MME: variants seen among roughly 807,000 people sequenced by gnomAD.
The protein encoded by MME is membrane metalloendopeptidase, also known as neprilysin.
Under a neutral mutation model 113.2 loss-of-function variants are expected in MME, and 98 were observed. That is an observed-to-expected ratio of 0.87 (90% CI 0.74 to 1.02). MME has a LOEUF of 1.02. Ranked by LOEUF, MME falls within the 50% of genes least tolerant of loss-of-function variation. MME has a pLI of 0.00. For missense variants in MME, 836 were observed against 896.0 expected (o/e 0.93, Z 0.86); for synonymous variants, 292 against 300.6 (o/e 0.97, Z 0.30).
Position 155,168,147 on chromosome 3 carries a change from T to A in MME, c.1781-345T>A, listed in dbSNP as rs559861214. Among the ~76,000 whole-genome samples the A allele has an allele frequency of 2.6e-5, 4 of 152,294 alleles. No homozygotes were observed. The South Asian group carries it at 6.2e-4, about 24-fold the overall frequency. On this transcript the variant is annotated intron_variant, in intron 18 of 22. Coordinates refer to ENST00000360490, the MANE Select transcript of MME (RefSeq NM_007289.4). ...GCCAGAATAAAAATGTTGGCCATTT[T>A]AAAAATCTCAAAATATCAAACTAAA...
At chr3:155,178,704 G>A (rs1280912775) in intron 22 of MME, among the ~76,000 whole-genome samples, 1 of 152,088 alleles carries the variant, frequency 6.6e-6, no homozygotes, top group Non-Finnish European at 1.5e-5. Context: ...AAATGGTGTA[G>A]TATTTGCATA....
At chr3:155,096,893 A>G (rs1210837844) in intron 3 of MME, among the ~76,000 whole-genome samples, 1 of 152,036 alleles carries the variant, frequency 6.6e-6, no homozygotes, top group Non-Finnish European at 1.5e-5. Context: ...TAAGTTTTGT[A>G]ATTTTCTGTA....
intron 8 of MME, among the ~76,000 whole-genome samples, chr3:155,128,340 C>T (rs1162730487): frequency 2.0e-5 from 3 of 152,126 alleles, no homozygotes; most frequent in African/African-American, 7.2e-5. Flanking sequence ...CTCAGTTTCC[C>T]CTGCATTTCT....
chr3:155,049,987 C>A (rs191607009), intron 1 of MME, among the ~76,000 whole-genome samples: 9 of 152,190 alleles, frequency 5.9e-5, no homozygotes, highest in Non-Finnish European at 1.0e-4. Context: ...CTCCTCCGAA[C>A]CTTCACTTCC....
chr3:155,133,632 G>T (rs1163423344), intron 8 of MME, among the ~76,000 whole-genome samples: 1 of 133,490 alleles, frequency 7.5e-6, no homozygotes, highest in African/African-American at 2.8e-5. Context: ...CCATATATAT[G>T]TATATATACA....
intron 1 of MME, among the ~76,000 whole-genome samples, chr3:155,065,883 T>G (rs933854320): frequency 6.6e-6 from 1 of 152,232 alleles, no homozygotes. Context: ...TGTAGATATA[T>G]ACACTGATGT....
At chr3:155,046,772 G>A (rs971135188) in intron 1 of MME, among the ~76,000 whole-genome samples, 3 of 152,136 alleles carry the variant, frequency 2.0e-5, no homozygotes, top group African/African-American at 7.2e-5. Context: ...GGGTTAATAT[G>A]TGTGTTTGTG....
chr3:155,106,350 C>T (rs1576590342), intron 3 of MME, among the ~76,000 whole-genome samples: 1 of 152,252 alleles, frequency 6.6e-6, no homozygotes, highest in Admixed American at 6.5e-5. Flanking sequence ...CATCTGGTAT[C>T]CCCCACTCTC....
At position 155,113,464 on chromosome 3, in the gene MME, G is replaced by C. The variant is rs138688556; in HGVS notation, c.197-1530G>C. ...GCAGCTAATTTTTGTATTTTTAGTA[G>C]AGTTGGTGTTTCATCATGTTGGCCA... is the stretch of plus-strand genomic sequence containing the variant. On this transcript the variant is annotated intron_variant, in intron 3 of 22. Transcript: ENST00000360490. 4.7e-3 allele frequency among the ~76,000 whole-genome samples: 721 copies of C among 152,174 alleles called. 7 individuals carry two copies. Among genetic ancestry groups the C allele is most frequent in the African/African-American group, 0.017 (686 of 41,522 alleles).
intron 8 of MME, among the ~76,000 whole-genome samples, chr3:155,121,393 T>C (rs1424921073): frequency 6.6e-6 from 1 of 151,438 alleles, no homozygotes; most frequent in Non-Finnish European, 1.5e-5. Flanking sequence ...CTTTTCCTAA[T>C]TGGATACCCT....
intron 15 of MME, among the ~76,000 whole-genome samples, chr3:155,147,766 A>G (rs1721630961): frequency 6.6e-6 from 1 of 152,212 alleles, no homozygotes; most frequent in African/African-American, 2.4e-5. Context: ...TCTTGCTGCT[A>G]ACTCTGCAGT....
At chr3:155,135,118 T>C (rs560328330) in intron 8 of MME, among the ~76,000 whole-genome samples, 2 of 152,196 alleles carry the variant, frequency 1.3e-5, no homozygotes, top group Admixed American at 6.5e-5. Flanking sequence ...TTTCTTTTGC[T>C]GTGGCAGAAG....
intron 1 of MME, among the ~76,000 whole-genome samples, chr3:155,025,022 G>A (rs1712734964): frequency 6.6e-6 from 1 of 152,176 alleles, no homozygotes; most frequent in Non-Finnish European, 1.5e-5. Flanking sequence ...CTTAATAGCT[G>A]TCTCCAAATA....
intron 8 of MME, among the ~76,000 whole-genome samples, chr3:155,126,520 A>T (rs899649770): frequency 2.0e-5 from 3 of 152,082 alleles, no homozygotes; most frequent in Admixed American, 6.6e-5. Flanking sequence ...CTGATATAGA[A>T]GCATTTTTGT....
intron 8 of MME, among the ~76,000 whole-genome samples, chr3:155,126,432 G>A (rs1719664618): frequency 6.7e-6 from 1 of 150,070 alleles, no homozygotes; most frequent in African/African-American, 2.5e-5. Flanking sequence ...TTGTTAAGAT[G>A]TTGCATTTTT....
chr3:155,047,219 G>T (rs1417935440), intron 1 of MME, among the ~76,000 whole-genome samples: 1 of 152,062 alleles, frequency 6.6e-6, no homozygotes, highest in Non-Finnish European at 1.5e-5. Context: ...CTTTCCTATG[G>T]TTATATATGT....
At chr3:155,171,987 A>G in intron 20 of MME, 130 bp from the exon 21 acceptor site, 1 of 644,758 alleles carries the variant, frequency 1.6e-6, no homozygotes, top group Non-Finnish European at 2.8e-6. Flanking sequence ...GTAGGTTACC[A>G]TAACTAAATG....
intron 1 of MME, among the ~76,000 whole-genome samples, chr3:155,064,152 T>C (rs1714305219): frequency 6.6e-6 from 1 of 151,866 alleles, no homozygotes; most frequent in African/African-American, 2.4e-5. Flanking sequence ...TAGCCGGGCA[T>C]GGGGCAGGCA....
intron 21 of MME, 36 bp downstream of exon 21, chr3:155,172,248 C>G (rs41267911): frequency 7.3e-7 from 1 of 1,373,562 alleles, no homozygotes; most frequent in African/African-American, 1.4e-5. Flanking sequence ...ATATGAAAAC[C>G]ATTTTGAGTT....
Sources: gnomAD v4.1 joint callset for allele counts (sites outside exome capture counted in the v4.1 genomes callset) on GRCh38, gnomAD v4.1.1 for gene constraint, MANE v1.5 for transcripts, NCBI Gene and HGNC (gene_info 2026-07-23, HGNC 2026-07-21) for gene names.